RAD50: variants seen among roughly 807,000 people sequenced by gnomAD.
RAD50 encodes DNA repair protein RAD50.
Under a neutral mutation model 168.8 loss-of-function variants are expected in RAD50, and 132 were observed. That is an observed-to-expected ratio of 0.78 (90% confidence interval 0.68 to 0.90). RAD50 has a LOEUF of 0.90. RAD50 is among the 40% of genes least tolerant of loss of function. RAD50 has a pLI of 0.00. For synonymous variants in RAD50, 525 were observed against 497.4 expected, an observed-to-expected ratio of 1.06 and a Z score of -0.74; for missense variants, 1,347 against 1,534.4, an observed-to-expected ratio of 0.88 and a Z score of 2.04.
chr5:132,598,016 C>T (rs1185748090), intron 13 of RAD50, among the ~76,000 whole-genome samples: 6 of 149,988 alleles, frequency 4.0e-5, no homozygotes, highest in African/African-American at 1.5e-4. Flanking sequence ...AAATTAACAT[C>T]GTATTATATT....
intron 13 of RAD50, among the ~76,000 whole-genome samples, chr5:132,596,210 A>G (rs1299511877): frequency 1.4e-5 from 2 of 141,114 alleles, no homozygotes; most frequent in Non-Finnish European, 3.0e-5. Context: ...GGCCAGGCTA[A>G]TCTCGAGCTC....
At chr5:132,610,939 C>T (rs1751072710) in intron 19 of RAD50, among the ~76,000 whole-genome samples, 1 of 152,164 alleles carries the variant, frequency 6.6e-6, no homozygotes, top group African/African-American at 2.4e-5. Flanking sequence ...AAATTATTTA[C>T]TTAGTTATAT....
Position 132,588,740 on chromosome 5 carries a change from T to A in RAD50, c.1105T>A (p.Ser369Thr). ...RHQEHIRARDSLIQSLATQLE... is the reference protein window; with the variant it reads ...RHQEHIRARDTLIQSLATQLE... ...TCAAGAACATATCCGAGCTAGAGAT[T>A]CATTAATTCAGTCTTTGGCAACACA... The change falls in exon 8 of 25, where the codon TCA becomes ACA. Residue 369 changes from serine to threonine, a missense_variant. This residue lies in a region of RAD50 where 703 missense variants were observed against 767.7 expected (regional missense o/e 0.92). Transcript: ENST00000378823. 1 of 1,613,958 alleles carries A rather than the reference T, an allele frequency of 6.2e-7. No homozygotes were observed. The highest frequency in any genetic ancestry group is 1.7e-5 in the Admixed American group (1 of 60,004).
At chr5:132,581,367 G>T (rs1051530541) in intron 5 of RAD50, among the ~76,000 whole-genome samples, 3 of 152,232 alleles carry the variant, frequency 2.0e-5, no homozygotes, top group Non-Finnish European at 4.4e-5. Context: ...TGATCTGCCC[G>T]CCTCGGCCTC....
At position 132,643,648 on chromosome 5, in the gene RAD50, A is replaced by T. The variant is rs1361420929; in HGVS notation, c.*1284A>T. 9 of 220,832 alleles carry T rather than the reference A, an allele frequency of 4.1e-5. No homozygotes were observed. Among genetic ancestry groups the T allele is most frequent in the Non-Finnish European group, 8.2e-5 (9 of 110,408 alleles). 13.7% of individuals were successfully genotyped at this position (220,832 alleles called of 1,614,324 possible). A position where few individuals can be genotyped will look rare whatever the true frequency, so the allele number is the denominator to read the frequency against. On this transcript the variant is annotated 3_prime_UTR_variant, in exon 25 of 25. Coordinates refer to ENST00000378823, the MANE Select transcript of RAD50 (RefSeq NM_005732.4). The stretch of plus-strand genomic sequence containing the variant: ...TTCTAGAACCCGTGACTGTTACTTT[A>T]TACAGCAAAGGAAACTTTGCAGATG...
At chr5:132,615,901 T>C (rs942369643) in intron 19 of RAD50, 102 bp from the exon 20 acceptor site, 1 of 1,138,458 alleles carries the variant, frequency 8.8e-7, no homozygotes, top group African/African-American at 1.5e-5. Context: ...CACATGATTC[T>C]AAGTAAGACA....
chr5:132,637,142 A>G lies in RAD50; in HGVS notation c.3417A>G (p.Lys1139=). 1 of 1,611,412 alleles carries G rather than the reference A, an allele frequency of 6.2e-7. No individual in the cohort carries two copies. The highest frequency in any genetic ancestry group is 1.1e-5 in the South Asian group (1 of 90,966). The part of the protein sequence containing the change: ...DQAIMKFHSM[K]MEEINKIIRD... Reference sequence around the variant, plus strand: ...CAATAATGAAATTTCACAGTATGAAAATGGAAGAAATCAATAAAATTATAC... The same window carrying G: ...CAATAATGAAATTTCACAGTATGAAGATGGAAGAAATCAATAAAATTATAC... The change falls in exon 22 of 25, where the codon AAA becomes AAG. Residue 1139 remains lysine, a synonymous_variant. Coordinates refer to ENST00000378823, the MANE Select transcript of RAD50 (RefSeq NM_005732.4).
chr5:132,623,308 G>A (rs1340733601), intron 21 of RAD50, among the ~76,000 whole-genome samples: 1 of 152,032 alleles, frequency 6.6e-6, no homozygotes, highest in African/African-American at 2.4e-5. Flanking sequence ...GTGAAACCCC[G>A]TCTGTACTAA....
At position 132,570,042 on chromosome 5, in the gene RAD50, T is replaced by C. The variant is rs74948998; in HGVS notation, c.214-5735T>C. 0.013 allele frequency among the ~76,000 whole-genome samples: 2,004 copies of C among 152,154 alleles called. 127 individuals are homozygous for C. In the East Asian group the frequency reaches 0.18, roughly 14 times the overall value. On this transcript the variant is annotated intron_variant, in intron 2 of 24. Transcript: ENST00000378823. ...ACATTAACAGAATAAAAAAGAAATA[T>C]CATATGAACACCAATAGATACAGAA...
rs2548986 is a variant in RAD50, at chr5:132,557,637, T to C, written c.129+184T>C. ...CCTTAGGAGTTTGCCTGAAGCAGTC[T>C]CGGAAGGATGTCCGGACCTGGCCTG... is the stretch of plus-strand genomic sequence containing the variant. On this transcript the variant is annotated intron_variant, in intron 1 of 24. Transcript: ENST00000378823. Among the ~76,000 whole-genome samples the C allele has an allele frequency of 0.97, 147,467 of 152,262 alleles. 71,616 individuals are homozygous for C. The highest frequency in any genetic ancestry group is 1 in the East Asian group (5,168 of 5,168).
rs876658805 is a variant in RAD50, at chr5:132,588,077, C to T, written c.1039C>T (p.Leu347Phe). The T allele has an allele frequency of 1.9e-6, 3 of 1,611,942 alleles. No individual in the cohort carries two copies. Among genetic ancestry groups the T allele is most frequent in the Non-Finnish European group, 2.5e-6 (3 of 1,178,256 alleles). The change falls in exon 7 of 25, where the codon CTT (leucine) becomes TTT (phenylalanine). Residue 347 changes from leucine to phenylalanine, a missense_variant. By Grantham distance (22) the Leu-to-Phe change is conservative (BLOSUM62 0). Around this residue, in one of 3 missense-constraint regions of RAD50, gnomAD observed 703 missense variants for 767.7 expected, o/e 0.92. Coordinates refer to ENST00000378823, the MANE Select transcript of RAD50 (RefSeq NM_005732.4). The stretch of plus-strand genomic sequence containing the variant: ...TCTCAATCAGGAAAAATCAGAACTG[C>T]TTGTTGAACAGGGTAGGACAAAATG... ...RLLNQEKSEL[L>F]VEQGRLQLQA...
intron 21 of RAD50, among the ~76,000 whole-genome samples, chr5:132,619,836 C>CTATATA (rs1220250912): frequency 8.7e-6 from 1 of 114,410 alleles, no homozygotes; most frequent in African/African-American, 3.9e-5. Context: ...CTCTCTCTCT[C>CTATATA]TATATATATA....
Position 132,645,317 on chromosome 5 carries a change from A to G in RAD50, c.*2953A>G, listed in dbSNP as rs1751827259. The G allele has an allele frequency of 6.6e-6, 1 of 152,070 alleles. No individual in the cohort carries two copies. Among genetic ancestry groups the G allele is most frequent in the Non-Finnish European group, 1.5e-5 (1 of 68,014 alleles). The allele number at this position is 152,070 out of a possible 1,614,324, so 9.4% of individuals were successfully genotyped here. A position where few individuals can be genotyped will look rare whatever the true frequency, so the allele number is the denominator to read the frequency against. ...AACTTAAATTCCATGGCTCATCATT[A>G]TGTCACCCTCCACTGCATTGTACTC... On this transcript the variant is annotated 3_prime_UTR_variant, in exon 25 of 25. Transcript: ENST00000378823.
rs1750773540 is a variant in RAD50 at position 132,595,515 on chromosome 5, G to A, written c.1970-58G>A. 3 of 1,128,222 alleles carry A rather than the reference G, an allele frequency of 2.7e-6. No individual in the cohort carries two copies. In the African/African-American group the frequency reaches 4.7e-5, roughly 17 times the overall value. The allele number at this position is 1,128,222 out of a possible 1,614,324, so 69.9% of individuals were successfully genotyped here. A position where few individuals can be genotyped will look rare whatever the true frequency, so the allele number is the denominator to read the frequency against. ...ATAGAAAAAGATACAACCGTATTCAGAATACTGTATTTTATGTTTTTTTCT... is the reference window on the plus strand; with the variant it reads ...ATAGAAAAAGATACAACCGTATTCAAAATACTGTATTTTATGTTTTTTTCT... On this transcript the variant is annotated intron_variant, in intron 12 of 24. Transcript: ENST00000378823.
At chr5:132,573,408 G>A (rs1037305066) in intron 2 of RAD50, among the ~76,000 whole-genome samples, 5 of 152,220 alleles carry the variant, frequency 3.3e-5, no homozygotes, top group Admixed American at 3.3e-4. Context: ...ATCAGATCTC[G>A]TGAGACTTAC....
At chr5:132,632,579 A>G (rs1347287274) in intron 21 of RAD50, among the ~76,000 whole-genome samples, 2 of 151,972 alleles carry the variant, frequency 1.3e-5, no homozygotes, top group African/African-American at 4.8e-5. Context: ...AATGCATGAT[A>G]TCTACTTTAT....
At position 132,588,706 on chromosome 5, in the gene RAD50, A is replaced by T. The variant is rs2149841042; in HGVS notation, c.1071A>T (p.Ala357=). Residue 357 remains alanine (A), a synonymous_variant, in exon 8 of 25, where the codon GCA becomes GCT. Transcript: ENST00000378823. ...TAAAAGGTCGTCTACAGCTGCAAGC[A>T]GATCGCCATCAAGAACATATCCGAG... is the stretch of plus-strand genomic sequence containing the variant. ...LVEQGRLQLQ[A]DRHQEHIRAR... 3 of 1,613,928 alleles carry T rather than the reference A, an allele frequency of 1.9e-6. No individual in the cohort carries two copies. The highest frequency in any genetic ancestry group is 2.5e-6 in the Non-Finnish European group (3 of 1,179,914).
chr5:132,617,237 A>C (rs1193065952), intron 20 of RAD50, among the ~76,000 whole-genome samples: 2 of 152,236 alleles, frequency 1.3e-5, no homozygotes, highest in East Asian at 3.8e-4. Context: ...TGGCTACTAA[A>C]GACCAAAACC....
chr5:132,642,941 A>G lies in RAD50; in HGVS notation c.*577A>G. The stretch of plus-strand genomic sequence containing the variant: ...GTTGAATGGGGTCTCAAAGTTTGAC[A>G]GGAACCTTAAGTAATCATCTAAGTC... On this transcript the variant is annotated 3_prime_UTR_variant, in exon 25 of 25. Coordinates refer to ENST00000378823, the MANE Select transcript of RAD50 (RefSeq NM_005732.4). 2.1e-6 allele frequency: 1 copy of G among 473,924 alleles called. No homozygotes were observed. Among genetic ancestry groups the G allele is most frequent in the Non-Finnish European group, 4.4e-6 (1 of 227,668 alleles). 29.4% of individuals were successfully genotyped at this position (473,924 alleles called of 1,614,324 possible).
Sources: gnomAD v4.1 joint callset for allele counts (sites outside exome capture counted in the v4.1 genomes callset) on GRCh38, gnomAD v4.1.1 for gene constraint, gnomAD v4.1.1 regional missense constraint, MANE v1.5 for transcripts, NCBI Gene and HGNC (gene_info 2026-07-23, HGNC 2026-07-21) for gene names.